The following RAB40B variants were observed in gnomAD, a reference collection of about 807,000 sequenced individuals.
RAB40B encodes the protein ras-related protein Rab-40B.
In RAB40B, 21 loss-of-function variants were observed where a neutral mutation model predicts 24.0. That is an observed-to-expected ratio of 0.88 (90% CI 0.62 to 1.26). The LOEUF (loss-of-function observed/expected upper bound fraction) is 1.26, where lower values mean the gene tolerates loss of function less well. Among genes scored for constraint, RAB40B ranks in the 50% most tolerant of loss-of-function variants. RAB40B has a pLI of 0.00. For missense variants in RAB40B, 348 were observed against 390.5 expected, an observed-to-expected ratio of 0.89 and a Z score of 0.92; for synonymous variants, 167 against 169.8, an observed-to-expected ratio of 0.98 and a Z score of 0.13.
chr17:82,677,793 G>A (rs2046409873), intron 1 of RAB40B, among the ~76,000 whole-genome samples: 1 of 152,212 alleles, frequency 6.6e-6, no homozygotes, highest in Non-Finnish European at 1.5e-5. Context: ...GACCCCAGAT[G>A]AGGGCGTCAG....
chr17:82,676,131 G>A (rs1401220382), intron 1 of RAB40B, among the ~76,000 whole-genome samples: 3 of 152,114 alleles, frequency 2.0e-5, no homozygotes, highest in South Asian at 4.1e-4. Flanking sequence ...CTCGTGGGAC[G>A]CACTCACCAC....
intron 1 of RAB40B, among the ~76,000 whole-genome samples, chr17:82,679,163 G>T (rs550697426): frequency 5.3e-5 from 8 of 151,996 alleles, no homozygotes; most frequent in African/African-American, 1.7e-4. Flanking sequence ...GATGACAGGC[G>T]TGAACCACTG....
chr17:82,676,958 A>ATTTAT (rs1382826640), intron 1 of RAB40B, among the ~76,000 whole-genome samples: 3 of 137,050 alleles, frequency 2.2e-5, no homozygotes, highest in Non-Finnish European at 4.7e-5. Flanking sequence ...TTATTTATTT[A>ATTTAT]TTTTTTCTGA....
intron 1 of RAB40B, among the ~76,000 whole-genome samples, chr17:82,671,527 AAC>A (rs367829136): frequency 0.044 from 5,246 of 118,170 alleles, 47 homozygotes; most frequent in South Asian, 0.071. Flanking sequence ...CTGTAACTCT[AAC>A]ACACACACTC....
intron 1 of RAB40B, among the ~76,000 whole-genome samples, chr17:82,689,515 C>T (rs902195460): frequency 3.9e-5 from 6 of 152,180 alleles, no homozygotes; most frequent in Admixed American, 2.6e-4. Flanking sequence ...GTCATCAGGG[C>T]GGGGAGAGGA....
chr17:82,667,091 G>A lies in RAB40B; in HGVS notation c.143-2535C>T, dbSNP rs1371636868. Among the ~76,000 whole-genome samples the A allele has an allele frequency of 1.3e-5, 2 of 152,236 alleles. No individual in the cohort carries two copies. The highest frequency in any genetic ancestry group is 2.9e-5 in the Non-Finnish European group (2 of 68,046). ...CAGCTCTCCTTCCAGAGAAGCCCAC[G>A]ATGTAGCCAGTGAGTGCCCAGAAAC... On this transcript the variant is annotated intron_variant, in intron 1 of 5. Transcript: ENST00000571995. This position sits in a 1 kb window ranked among gnomAD's most constrained non-coding sequence, Gnocchi z 4.3.
intron 2 of RAB40B, 26 bp downstream of exon 2, chr17:82,664,470 G>A (rs923079964): frequency 6.2e-7 from 1 of 1,609,796 alleles, no homozygotes. Context: ...GGGGGTGCGG[G>A]ACGCTCGCAC....
intron 1 of RAB40B, among the ~76,000 whole-genome samples, chr17:82,677,419 C>T (rs1225092604): frequency 6.6e-6 from 1 of 152,202 alleles, no homozygotes. Context: ...CCCAACAGGG[C>T]AGAAAGCATT....
chr17:82,697,333 T>G lies in RAB40B; in HGVS notation c.142+1122A>C, dbSNP rs548489954. ...AGCCTGCACCCTCTACCGAGCAGCCTCAGATCCCGCTTCCTCCCACCCTCT... is the reference window on the plus strand; with the variant it reads ...AGCCTGCACCCTCTACCGAGCAGCCGCAGATCCCGCTTCCTCCCACCCTCT... On this transcript the variant is annotated intron_variant, in intron 1 of 5. Coordinates refer to ENST00000571995, the MANE Select transcript of RAB40B (RefSeq NM_006822.3). The surrounding 1 kb of genome is among the most constrained non-coding windows in gnomAD (Gnocchi z 4.9). Among the ~76,000 whole-genome samples, 63 of 152,134 alleles carry G rather than the reference T, an allele frequency of 4.1e-4. No individual in the cohort carries two copies. Among genetic ancestry groups the G allele is most frequent in the African/African-American group, 1.5e-3 (62 of 41,510 alleles).
In RAB40B at chr17:82,659,627, G is replaced by A. The variant is rs755731742; in HGVS notation, c.295C>T (p.Arg99Cys). The A allele has an allele frequency of 6.2e-6, 10 of 1,614,048 alleles. No homozygotes were observed. The Admixed American group carries it at 8.3e-5, about 13-fold the overall frequency. Residue 99 changes from arginine to cysteine, a missense_variant, in exon 4 of 6, where the codon CGC (arginine) becomes TGC (cysteine). Physicochemically the swap from Arg to Cys is radical, Grantham distance 180. Around this residue, in one of 3 missense-constraint regions of RAB40B, gnomAD observed 126 missense variants for 181.0 expected, o/e 0.70. Coordinates refer to ENST00000571995, the MANE Select transcript of RAB40B (RefSeq NM_006822.3). ...GVILVYDIANRWSFDGIDRWI... is the reference protein window; with the variant it reads ...GVILVYDIANCWSFDGIDRWI... ...CGATCAATGCCGTCAAAAGACCAGC[G>A]GTTCGCAATGTCATAGACCAGGATC...
intron 1 of RAB40B, among the ~76,000 whole-genome samples, chr17:82,672,356 C>T (rs80343211): frequency 0.032 from 450 of 14,030 alleles, no homozygotes; most frequent in Non-Finnish European, 0.056. Context: ...TCACACGCTC[C>T]CTGTACCCAC....
At chr17:82,658,172 C>G (rs1465940183) in intron 5 of RAB40B, 38 bp from the exon 6 acceptor site, 2 of 1,591,456 alleles carry the variant, frequency 1.3e-6, no homozygotes, top group Admixed American at 1.7e-5. Context: ...TAGTGGATGT[C>G]CCCACCTGGG....
rs1341381547 is a variant in RAB40B at position 82,698,622 on chromosome 17, T to C, written c.-26A>G. The C allele has an allele frequency of 3.6e-6, 5 of 1,389,164 alleles. No homozygotes were observed. The highest frequency in any genetic ancestry group is 4.8e-6 in the Non-Finnish European group (5 of 1,052,340). The allele number at this position is 1,389,164 out of a possible 1,614,324, so 86.1% of individuals were successfully genotyped here. A position where few individuals can be genotyped will look rare whatever the true frequency, so the allele number is the denominator to read the frequency against. On this transcript the variant is annotated 5_prime_UTR_variant, in exon 1 of 6. An upstream start codon of the reference 5' UTR is lost. Coordinates refer to ENST00000571995, the MANE Select transcript of RAB40B (RefSeq NM_006822.3). ...CGTGACGGCCCGGCGCCCCCACCCA[T>C]GCCCGGCCTGCGGGGCTGAGCGCAG... is the stretch of plus-strand genomic sequence containing the variant.
In RAB40B at chr17:82,657,624, G is replaced by C. The variant is rs1239077663; in HGVS notation, c.*239C>G. 4 of 645,414 alleles carry C rather than the reference G, an allele frequency of 6.2e-6. No individual in the cohort carries two copies. Among genetic ancestry groups the C allele is most frequent in the Non-Finnish European group, 1.1e-5 (4 of 348,542 alleles). The allele number at this position is 645,414 out of a possible 1,614,324, so 40.0% of individuals were successfully genotyped here. A position where few individuals can be genotyped will look rare whatever the true frequency, so the allele number is the denominator to read the frequency against. Reference sequence around the variant, plus strand: ...TCAGAATTTCATGTTACCAAGAGTCGAGCAGAGTACTAATTTTCCCTTTAC... The same window carrying C: ...TCAGAATTTCATGTTACCAAGAGTCCAGCAGAGTACTAATTTTCCCTTTAC... On this transcript the variant is annotated 3_prime_UTR_variant, in exon 6 of 6. Coordinates refer to ENST00000571995, the MANE Select transcript of RAB40B (RefSeq NM_006822.3).
At chr17:82,664,728 G>A (rs560768328) in intron 1 of RAB40B, 172 bp from the exon 2 acceptor site, 222 of 619,006 alleles carry the variant, frequency 3.6e-4, no homozygotes, top group African/African-American at 3.2e-3. Context: ...CCCTGCCTGC[G>A]CCCTCCCGCA....
intron 4 of RAB40B, 126 bp downstream of exon 4, chr17:82,659,454 G>T: frequency 1.2e-6 from 1 of 827,460 alleles, no homozygotes; most frequent in Non-Finnish European, 2.0e-6. Flanking sequence ...CTGCTGGAGC[G>T]CCATCCGGTG....
At chr17:82,678,309 T>C (rs2046414973) in intron 1 of RAB40B, among the ~76,000 whole-genome samples, 1 of 152,208 alleles carries the variant, frequency 6.6e-6, no homozygotes, top group African/African-American at 2.4e-5. Flanking sequence ...TACCATGTAC[T>C]CTGTCCATCA....
intron 1 of RAB40B, among the ~76,000 whole-genome samples, chr17:82,678,698 G>A (rs550843469): frequency 1.3e-5 from 2 of 152,064 alleles, no homozygotes; most frequent in African/African-American, 2.4e-5. Flanking sequence ...GCAGACTGGC[G>A]GTCCCCGGGG....
intron 1 of RAB40B, among the ~76,000 whole-genome samples, chr17:82,666,396 C>T (rs539496416): frequency 1.4e-3 from 206 of 152,166 alleles, no homozygotes; most frequent in Admixed American, 3.7e-3. Flanking sequence ...AGGCATACAC[C>T]GCCACGTCCA....
Sources: gnomAD v4.1 joint callset for allele counts (sites outside exome capture counted in the v4.1 genomes callset) on GRCh38, gnomAD v4.1.1 for gene constraint, gnomAD v4.1.1 regional missense constraint, Gnocchi (gnomAD v3.1) non-coding constraint, MANE v1.5 for transcripts, NCBI Gene and HGNC (gene_info 2026-07-23, HGNC 2026-07-21) for gene names.